OSBPL6: variants seen among roughly 807,000 people sequenced by gnomAD.
OSBPL6 encodes the protein oxysterol-binding protein-related protein 6.
OSBPL6 carries 49 observed loss-of-function variants against 125.8 expected under a neutral mutation model. The observed-to-expected ratio is 0.39, with a 90% CI of 0.31 to 0.49. The LOEUF is 0.49. OSBPL6 is among the 20% of genes least tolerant of loss of function. The pLI is 0.88. For missense variants in OSBPL6, 986 were observed against 1,135.4 expected (o/e 0.87, Z 1.89); for synonymous variants, 394 against 391.8 (o/e 1.01, Z -0.07).
chr2:178,232,728 A>G (rs1210141127), intron 1 of OSBPL6, among the ~76,000 whole-genome samples: 1 of 147,152 alleles, frequency 6.8e-6, no homozygotes, highest in South Asian at 2.1e-4. Flanking sequence ...TTTTTTTCTT[A>G]TTACCAGAAT....
chr2:178,369,502 C>T (rs986729555), intron 13 of OSBPL6, among the ~76,000 whole-genome samples: 10 of 152,160 alleles, frequency 6.6e-5, no homozygotes, highest in South Asian at 6.2e-4. Context: ...TTATTTAATA[C>T]AACCCCAGAA....
At chr2:178,298,048 C>T (rs6748972) in intron 2 of OSBPL6, among the ~76,000 whole-genome samples, 2,433 of 152,300 alleles carry the variant, frequency 0.016, 70 homozygotes, top group African/African-American at 0.055. Flanking sequence ...CTGATAACCA[C>T]CATTCTACCT....
intron 1 of OSBPL6, among the ~76,000 whole-genome samples, chr2:178,227,060 A>G (rs77546974): frequency 0.015 from 2,328 of 152,334 alleles, 52 homozygotes; most frequent in African/African-American, 0.053. Flanking sequence ...ATGAAAGGAT[A>G]GTAGAATATA....
intron 1 of OSBPL6, among the ~76,000 whole-genome samples, chr2:178,251,148 A>G (rs1444666958): frequency 6.6e-6 from 1 of 152,052 alleles, no homozygotes; most frequent in Non-Finnish European, 1.5e-5. Context: ...GTGGTCCCAG[A>G]GAGCAGAAGG....
intron 20 of OSBPL6, 53 bp downstream of exon 20, chr2:178,387,192 A>G (rs1559326230): frequency 7.3e-7 from 1 of 1,375,214 alleles, no homozygotes; most frequent in Non-Finnish European, 1.0e-6. Context: ...CTAAATCATA[A>G]ATGGGTATTT....
chr2:178,349,972 A>T (rs568088136), intron 12 of OSBPL6, among the ~76,000 whole-genome samples: 38 of 152,276 alleles, frequency 2.5e-4, no homozygotes, highest in African/African-American at 9.1e-4. Flanking sequence ...CTTCCTCTCC[A>T]TGGCAGCTTA....
intron 13 of OSBPL6, among the ~76,000 whole-genome samples, chr2:178,370,785 A>G (rs1019634280): frequency 1.3e-5 from 2 of 152,192 alleles, no homozygotes; most frequent in South Asian, 2.1e-4. Context: ...ATGATTTGAC[A>G]TATTTTACAA....
chr2:178,321,191 T>C (rs1043734282), intron 3 of OSBPL6, among the ~76,000 whole-genome samples: 2 of 152,156 alleles, frequency 1.3e-5, no homozygotes, highest in Non-Finnish European at 2.9e-5. Flanking sequence ...TGGAAGGTAA[T>C]TGATTGCTGA....
At position 178,332,996 on chromosome 2, in the gene OSBPL6, A is replaced by G. The variant is rs2154078034; in HGVS notation, c.612A>G (p.Thr204=). The stretch of plus-strand genomic sequence containing the variant: ...TTCACATATTTCCTTCAACGTCCAC[A>G]GCTGAATCCTCACCAGCTGCTAATG... ...ASFHIFPSTS[T]AESSPAANVS... is the part of the protein sequence containing the mutation. Residue 204 remains threonine (T), a synonymous_variant, in exon 8 of 25, where the codon ACA becomes ACG. Coordinates refer to ENST00000190611, the MANE Select transcript of OSBPL6 (RefSeq NM_032523.4). The G allele has an allele frequency of 6.2e-7, 1 of 1,614,218 alleles. No individual in the cohort carries two copies. Among genetic ancestry groups the G allele is most frequent in the Non-Finnish European group, 8.5e-7 (1 of 1,180,036 alleles).
At chr2:178,375,260 T>C (rs148931593) in intron 15 of OSBPL6, among the ~76,000 whole-genome samples, 1 of 152,268 alleles carries the variant, frequency 6.6e-6, no homozygotes, top group Non-Finnish European at 1.5e-5. Context: ...ATAGGGATAC[T>C]CTGGCACAAG....
intron 1 of OSBPL6, among the ~76,000 whole-genome samples, chr2:178,280,220 T>A (rs1279945975): frequency 2.6e-5 from 4 of 151,916 alleles, no homozygotes; most frequent in Non-Finnish European, 5.9e-5. Context: ...AAAATAAAAT[T>A]AAATAAAATG....
At chr2:178,280,069 A>G (rs1684001485) in intron 1 of OSBPL6, among the ~76,000 whole-genome samples, 1 of 152,036 alleles carries the variant, frequency 6.6e-6, no homozygotes, top group South Asian at 2.1e-4. Context: ...ATGGTGGCGC[A>G]CACCTGTAGT....
intron 1 of OSBPL6, among the ~76,000 whole-genome samples, chr2:178,258,447 A>G (rs1559171085): frequency 6.6e-6 from 1 of 152,184 alleles, no homozygotes; most frequent in Non-Finnish European, 1.5e-5. Context: ...TCAAACATGT[A>G]TAGATTAAAC....
intron 1 of OSBPL6, among the ~76,000 whole-genome samples, chr2:178,195,363 T>G (rs1471102528): frequency 6.6e-6 from 1 of 152,140 alleles, no homozygotes; most frequent in Non-Finnish European, 1.5e-5. Flanking sequence ...TGCATTGCAG[T>G]CAAGACGTGC....
chr2:178,301,979 A>G, intron 2 of OSBPL6, among the ~76,000 whole-genome samples: 1 of 152,186 alleles, frequency 6.6e-6, no homozygotes, highest in South Asian at 2.1e-4. Flanking sequence ...GACTGTGAGA[A>G]AGACATTTGG....
At position 178,202,998 on chromosome 2, in the gene OSBPL6, AT is replaced by A. The variant is rs1284041529; in HGVS notation, c.-351+8327del. Among the ~76,000 whole-genome samples the A allele has an allele frequency of 5.3e-5, 8 of 151,824 alleles. No homozygotes were observed. In the East Asian group the frequency reaches 1.5e-3, roughly 29 times the overall value. On this transcript the variant is annotated intron_variant, in intron 1 of 24. Transcript: ENST00000190611. ...GAAAGTTGGACAAGTTTCTGCTATT[AT>A]TTCTTCACACATGGTTTTCTGTTTT...
intron 1 of OSBPL6, among the ~76,000 whole-genome samples, chr2:178,230,985 C>T (rs1050287213): frequency 6.6e-6 from 1 of 152,018 alleles, no homozygotes; most frequent in Non-Finnish European, 1.5e-5. Flanking sequence ...GGGTAGATAC[C>T]TGGGGTTTGT....
intron 12 of OSBPL6, among the ~76,000 whole-genome samples, chr2:178,355,936 T>C (rs1228679164): frequency 6.6e-6 from 1 of 152,182 alleles, no homozygotes; most frequent in Non-Finnish European, 1.5e-5. Context: ...GTTCAACATA[T>C]GCAAATCAAT....
chr2:178,232,343 A>G (rs1416937937), intron 1 of OSBPL6, among the ~76,000 whole-genome samples: 1 of 152,082 alleles, frequency 6.6e-6, no homozygotes, highest in Non-Finnish European at 1.5e-5. Context: ...CCAGGAAGTA[A>G]ACAAGTTTGG....
Sources: allele counts gnomAD v4.1 joint callset (sites outside exome capture counted in the v4.1 genomes callset), GRCh38; gene constraint gnomAD v4.1.1; transcripts MANE v1.5; gene names NCBI Gene and HGNC (gene_info 2026-07-23, HGNC 2026-07-21).